The following SASH1 variants were observed in gnomAD, a reference collection of about 807,000 sequenced individuals.
SASH1 encodes SAM and SH3 domain-containing protein 1.
In SASH1, 44 loss-of-function variants were observed where a neutral mutation model predicts 125.2. The observed-to-expected ratio is 0.35, with a 90% CI of 0.28 to 0.45. The LOEUF (loss-of-function observed/expected upper bound fraction) is 0.45, where lower values mean the gene tolerates loss of function less well. Ranked by LOEUF, SASH1 falls within the 20% of genes least tolerant of loss-of-function variation. The pLI, the probability that SASH1 is intolerant of heterozygous loss-of-function variation, is 1.00. For missense variants in SASH1, 1,426 were observed against 1,614.5 expected (o/e 0.88, Z 2.00); for synonymous variants, 639 against 649.1 (o/e 0.98, Z 0.24).
intron 8 of SASH1, among the ~76,000 whole-genome samples, chr6:148,501,537 A>G (rs1779559593): frequency 6.6e-6 from 1 of 152,094 alleles, no homozygotes. Context: ...TCTGGATAAC[A>G]CTACCCCACT....
At chr6:148,281,197 A>G (rs1230801827) in intron 1 of SASH1, among the ~76,000 whole-genome samples, 1 of 141,252 alleles carries the variant, frequency 7.1e-6, no homozygotes, top group Non-Finnish European at 1.5e-5. Flanking sequence ...ACCTCAAGTG[A>G]TCCTCCTGCC....
intron 1 of SASH1, among the ~76,000 whole-genome samples, chr6:148,334,411 G>A (rs1254709376): frequency 1.7e-5 from 2 of 118,040 alleles, no homozygotes; most frequent in Admixed American, 1.0e-4. Flanking sequence ...CTGGGCCACA[G>A]AGCGAGACTC....
At chr6:148,316,348 T>C (rs998708808) in intron 1 of SASH1, among the ~76,000 whole-genome samples, 27 of 152,202 alleles carry the variant, frequency 1.8e-4, no homozygotes, top group African/African-American at 5.8e-4. Flanking sequence ...TTATTTGTAA[T>C]GCACTGAATA....
Position 148,549,731 on chromosome 6 carries a change from T to C in SASH1, c.*1173T>C, listed in dbSNP as rs1782783042. 2.3e-5 allele frequency: 9 copies of C among 396,534 alleles called. No homozygotes were observed. In the East Asian group the frequency reaches 2.9e-4, roughly 13 times the overall value. 24.6% of individuals were successfully genotyped at this position (396,534 alleles called of 1,614,324 possible). A position where few individuals can be genotyped will look rare whatever the true frequency, so the allele number is the denominator to read the frequency against. ...TTTTAATTTAAACAAAGGTTCACTATGGAACCAGACAAATCTCATTAGCCA... is the reference window on the plus strand; with the variant it reads ...TTTTAATTTAAACAAAGGTTCACTACGGAACCAGACAAATCTCATTAGCCA... On this transcript the variant is annotated 3_prime_UTR_variant, in exon 20 of 20. Transcript: ENST00000367467.
At chr6:148,349,248 CTTTCTTTTTTTTT>C (rs1296133063) in intron 1 of SASH1, among the ~76,000 whole-genome samples, 3 of 66,246 alleles carry the variant, frequency 4.5e-5, no homozygotes, top group Non-Finnish European at 8.0e-5. Context: ...TTTCTTCTTT[CTTTCTTTTTTTTT>C]TTTTTTTTTT....
chr6:148,303,567 C>T (rs1240923263), intron 1 of SASH1, among the ~76,000 whole-genome samples: 2 of 151,716 alleles, frequency 1.3e-5, no homozygotes, highest in African/African-American at 2.4e-5. Context: ...GAGGCTGAGG[C>T]AGGCAGATCA....
At chr6:148,326,386 T>TATATATATATATACA (rs1780826472) in intron 1 of SASH1, among the ~76,000 whole-genome samples, 5 of 63,240 alleles carry the variant, frequency 7.9e-5, no homozygotes, top group Non-Finnish European at 6.0e-5. Context: ...ATTCTTTTCT[T>TATATATATATATACA]TTCTTTTCTT....
intron 1 of SASH1, among the ~76,000 whole-genome samples, chr6:148,353,654 C>T (rs1476581475): frequency 2.6e-5 from 4 of 152,040 alleles, no homozygotes; most frequent in South Asian, 2.1e-4. Context: ...AGGCTAGTCT[C>T]GAACTCCTGA....
At chr6:148,247,782 CCG>C in the SASH1 span, among the ~76,000 whole-genome samples, 6 of 152,154 alleles carry the variant, frequency 3.9e-5, no homozygotes, top group African/African-American at 1.4e-4. Context: ...GAAACTAAAA[CCG>C]AATGTTAAGT....
chr6:148,403,942 A>G (rs1482085526), intron 2 of SASH1, among the ~76,000 whole-genome samples: 1 of 152,174 alleles, frequency 6.6e-6, no homozygotes, highest in East Asian at 1.9e-4. Context: ...TTTATTCCTA[A>G]TTCCAAAATT....
chr6:148,277,361 G>A (rs17705776), intron 1 of SASH1, among the ~76,000 whole-genome samples: 31,279 of 152,132 alleles, frequency 0.21, 3,521 homozygotes, highest in South Asian at 0.29. Context: ...TAGAATGGTA[G>A]AATTGCATGG....
intron 1 of SASH1, among the ~76,000 whole-genome samples, chr6:148,367,600 C>T (rs764760760): frequency 5.3e-5 from 8 of 152,218 alleles, no homozygotes; most frequent in Non-Finnish European, 8.8e-5. Context: ...TGTGATGACA[C>T]GCAGCCCTCC....
rs188896879 is a variant in SASH1, at chr6:148,287,468, T to C, written n.74+15091T>C. ...AGGATGGTCACACCCCCTGCCACCA[T>C]GGCCACAGTCTGTCTCCCCGGTAAC... On this transcript the variant is annotated intron_variant and non_coding_transcript_variant, in intron 1 of 3. Coordinates refer to the SASH1 transcript ENST00000367469. Among the ~76,000 whole-genome samples, 526 of 152,310 alleles carry C rather than the reference T, an allele frequency of 3.5e-3. 2 individuals are homozygous for C. Among genetic ancestry groups the C allele is most frequent in the African/African-American group, 0.011 (473 of 41,570 alleles).
At chr6:148,508,849 C>T in intron 8 of SASH1, 2 of 1,287,410 alleles carry the variant, frequency 1.6e-6, no homozygotes, top group Non-Finnish European at 2.0e-6. Flanking sequence ...TTCAGAATTA[C>T]CCCTTAGGCT....
At chr6:148,222,398 C>T in the SASH1 span, among the ~76,000 whole-genome samples, 1 of 152,128 alleles carries the variant, frequency 6.6e-6, no homozygotes, top group African/African-American at 2.4e-5. Flanking sequence ...GGAGGTACTC[C>T]TCTCTCTGCA....
intron 16 of SASH1, among the ~76,000 whole-genome samples, chr6:148,535,857 G>C (rs1467150092): frequency 1.3e-5 from 2 of 152,142 alleles, no homozygotes; most frequent in African/African-American, 4.8e-5. Flanking sequence ...GTTGCTAAAA[G>C]ACACACCAAA....
the SASH1 span, among the ~76,000 whole-genome samples, chr6:148,251,702 C>T: frequency 2.6e-5 from 4 of 151,222 alleles, no homozygotes; most frequent in Non-Finnish European, 5.9e-5. Flanking sequence ...TATTATTATA[C>T]TTTAAGTTTT....
chr6:148,290,061 T>A (rs1779588615), intron 1 of SASH1, among the ~76,000 whole-genome samples: 1 of 150,960 alleles, frequency 6.6e-6, no homozygotes, highest in Admixed American at 6.6e-5. Context: ...AGAGAAGGGG[T>A]TTCACTATGT....
chr6:148,325,853 C>T (rs1780781744), intron 1 of SASH1, among the ~76,000 whole-genome samples: 1 of 151,944 alleles, frequency 6.6e-6, no homozygotes, highest in South Asian at 2.1e-4. Flanking sequence ...CAGTATTTGC[C>T]CCGATGCCAT....
Sources: allele counts gnomAD v4.1 joint callset (sites outside exome capture counted in the v4.1 genomes callset), GRCh38; gene constraint gnomAD v4.1.1; transcripts MANE v1.5; gene names NCBI Gene and HGNC (gene_info 2026-07-23, HGNC 2026-07-21).